The following NLGN4Y variants were observed in gnomAD, a reference collection of about 807,000 sequenced individuals.
NLGN4Y encodes neuroligin-4, Y-linked.
Under a neutral mutation model 8.4 loss-of-function variants are expected in NLGN4Y, and 4 were observed. That is an observed-to-expected ratio of 0.48 (90% CI 0.23 to 1.09). NLGN4Y has a LOEUF of 1.09. Among genes scored for constraint, NLGN4Y ranks in the 50% least tolerant of loss-of-function variants. NLGN4Y has a pLI of 0.19. For missense variants in NLGN4Y, 90 were observed against 192.3 expected (o/e 0.47, Z 3.15); for synonymous variants, 35 against 75.6 (o/e 0.46, Z 2.78).
chrY:14,707,670 C>CA (rs750583687), intron 2 of NLGN4Y, among the ~76,000 whole-genome samples: 15 of 31,346 alleles, frequency 4.8e-4, no homozygotes, highest in African/African-American at 1.8e-3. Context: ...GCTGAAAATT[C>CA]AAAAAAAATG....
intron 6 of NLGN4Y, among the ~76,000 whole-genome samples, chrY:14,834,720 A>T: frequency 2.9e-5 from 1 of 33,935 alleles, no homozygotes; most frequent in Non-Finnish European, 7.3e-5. Flanking sequence ...TGGTGGCCTG[A>T]TCCCTCCAGG....
At chrY:14,814,920 G>T in intron 4 of NLGN4Y, among the ~76,000 whole-genome samples, 1 of 33,104 alleles carries the variant, frequency 3.0e-5, no homozygotes, top group East Asian at 8.2e-4. Flanking sequence ...TATAAGTAGG[G>T]TTATTAGTTG....
chrY:14,728,346 C>T, intron 4 of NLGN4Y, among the ~76,000 whole-genome samples: 6 of 33,652 alleles, frequency 1.8e-4, no homozygotes, highest in African/African-American at 5.8e-4. Context: ...ATTCTACCTC[C>T]GGGTATATAC....
intron 2 of NLGN4Y, among the ~76,000 whole-genome samples, chrY:14,704,804 G>A: frequency 3.1e-5 from 1 of 32,678 alleles, no homozygotes; most frequent in African/African-American, 1.2e-4. Flanking sequence ...ACTTTTTTTG[G>A]TTGGTAAGCT....
At chrY:14,808,113 A>G (rs2043064304) in intron 4 of NLGN4Y, among the ~76,000 whole-genome samples, 1 of 32,320 alleles carries the variant, frequency 3.1e-5, no homozygotes, top group South Asian at 7.1e-4. Flanking sequence ...GCACACTACA[A>G]TTTCTCCTCC....
chrY:14,650,422 T>G, intron 2 of NLGN4Y, among the ~76,000 whole-genome samples: 2 of 33,966 alleles, frequency 5.9e-5, no homozygotes, highest in Non-Finnish European at 1.5e-4. Context: ...AAATCATTAG[T>G]TTTAATGTAG....
chrY:14,638,750 A>G (rs2080577222), intron 2 of NLGN4Y, among the ~76,000 whole-genome samples: 1 of 33,600 alleles, frequency 3.0e-5, no homozygotes, highest in African/African-American at 1.2e-4. Context: ...TTGAGATTTT[A>G]TACTGTTATT....
At chrY:14,684,900 T>C (rs1022060237) in intron 2 of NLGN4Y, among the ~76,000 whole-genome samples, 21 of 34,066 alleles carry the variant, frequency 6.2e-4, no homozygotes, top group African/African-American at 2.4e-3. Flanking sequence ...TGCATCTTCA[T>C]CAGTTGGTGA....
rs969970840 is a variant in NLGN4Y at position 14,705,922 on chromosome Y, A to T, written c.473-13537A>T. The stretch of plus-strand genomic sequence containing the variant: ...TTCCTGGGTAAGATCTTTCTGTGAT[A>T]AGTGGTTGGAGTCATAGAGTAAATA... On this transcript the variant is annotated intron_variant, in intron 2 of 6. Coordinates refer to ENST00000684976, the MANE Select transcript of NLGN4Y (RefSeq NM_001365588.1). 3.0e-4 allele frequency among the ~76,000 whole-genome samples: 10 copies of T among 33,595 alleles called. No individual in the cohort carries two copies. The East Asian group carries it at 6.3e-3, about 21-fold the overall frequency. 90.1% of individuals were successfully genotyped at this position (33,595 alleles called of 37,273 possible).
intron 4 of NLGN4Y, among the ~76,000 whole-genome samples, chrY:14,811,076 C>T: frequency 8.9e-5 from 3 of 33,530 alleles, no homozygotes; most frequent in Non-Finnish European, 2.2e-4. Context: ...GAGTGCAGGA[C>T]GTCACGTTCC....
At chrY:14,744,195 G>T in intron 4 of NLGN4Y, among the ~76,000 whole-genome samples, 1 of 33,609 alleles carries the variant, frequency 3.0e-5, no homozygotes, top group African/African-American at 1.2e-4. Context: ...TGTGTATACG[G>T]TAAGTGCTCA....
intron 4 of NLGN4Y, chrY:14,748,679 C>A: frequency 5.4e-6 from 1 of 185,280 alleles, no homozygotes; most frequent in Non-Finnish European, 1.0e-5. Context: ...CTGCAGGCAC[C>A]ACGGGATTGC....
intron 1 of NLGN4Y, among the ~76,000 whole-genome samples, chrY:14,559,669 CAGA>C (rs2080220975): frequency 3.0e-5 from 1 of 32,822 alleles, no homozygotes; most frequent in Non-Finnish European, 7.5e-5. Flanking sequence ...CCCTCATCGC[CAGA>C]AGAAGTTTTT....
At chrY:14,719,176 A>C in intron 2 of NLGN4Y, among the ~76,000 whole-genome samples, 1 of 33,123 alleles carries the variant, frequency 3.0e-5, no homozygotes, top group Non-Finnish European at 7.5e-5. Flanking sequence ...ATTTTTTTGC[A>C]GTAGCATCAT....
At chrY:14,838,647 C>T in intron 6 of NLGN4Y, among the ~76,000 whole-genome samples, 5 of 32,534 alleles carry the variant, frequency 1.5e-4, no homozygotes, top group Admixed American at 1.1e-3. Flanking sequence ...CCCTCCCTTG[C>T]AATATTGTAG....
At chrY:14,792,666 T>C in intron 4 of NLGN4Y, among the ~76,000 whole-genome samples, 1 of 26,938 alleles carries the variant, frequency 3.7e-5, no homozygotes, top group Non-Finnish European at 8.5e-5. Flanking sequence ...AGCACATGCC[T>C]GTAGTCCCAG....
intron 2 of NLGN4Y, among the ~76,000 whole-genome samples, chrY:14,650,383 G>A (rs779728260): frequency 2.1e-3 from 69 of 33,381 alleles, no homozygotes; most frequent in Admixed American, 3.5e-3. Context: ...ACTGGCTCCC[G>A]TCTATTATGC....
chrY:14,526,432 G>T (rs947451076), intron 1 of NLGN4Y, among the ~76,000 whole-genome samples: 20 of 32,656 alleles, frequency 6.1e-4, no homozygotes, highest in African/African-American at 2.4e-3. Context: ...TTCTGTATGT[G>T]TGTCTGTGTG....
intron 1 of NLGN4Y, among the ~76,000 whole-genome samples, chrY:14,552,562 C>T (rs2080196767): frequency 3.0e-5 from 1 of 33,528 alleles, no homozygotes; most frequent in South Asian, 6.7e-4. Context: ...AGCAGCACAT[C>T]AAAAAGTTTA....
Sources: allele counts gnomAD v4.1 joint callset (sites outside exome capture counted in the v4.1 genomes callset), GRCh38; gene constraint gnomAD v4.1.1; transcripts MANE v1.5; gene names NCBI Gene and HGNC (gene_info 2026-07-23, HGNC 2026-07-21).